The following GNA14 variants were observed in gnomAD, a reference collection of about 807,000 sequenced individuals.
GNA14 encodes the protein guanine nucleotide-binding protein subunit alpha-14.
GNA14 carries 50 observed loss-of-function variants against 42.0 expected under a neutral mutation model. That is an observed-to-expected ratio of 1.19 (90% CI 0.95 to 1.51). The LOEUF (loss-of-function observed/expected upper bound fraction) is 1.51. GNA14 is among the 40% of genes most tolerant of loss of function. GNA14 has a pLI of 0.00. For synonymous variants in GNA14, 173 were observed against 163.1 expected (o/e 1.06, Z -0.46); for missense variants, 473 against 446.2 (o/e 1.06, Z -0.54).
intron 1 of GNA14, among the ~76,000 whole-genome samples, chr9:77,563,210 C>A (rs958525409): frequency 2.0e-5 from 3 of 152,164 alleles, no homozygotes; most frequent in Non-Finnish European, 4.4e-5. Context: ...ATCAGCTCAA[C>A]AATGAAACCT....
chr9:77,424,064 G>A lies in GNA14; in HGVS notation c.983C>T (p.Thr328Ile), dbSNP rs761287064. Residue 328 changes from threonine to isoleucine, a missense_variant, in exon 7 of 7, where the codon ACA becomes ATA. Coordinates refer to ENST00000341700, the MANE Select transcript of GNA14 (RefSeq NM_004297.4). ...CACAAAGCGAATATTGTCTGTATCT[G>A]TAGCACATGTGAAGTGAGAGTAGAT... ...KVIYSHFTCA[T>I]DTDNIRFVFA... 2.5e-6 allele frequency: 4 copies of A among 1,611,922 alleles called. No individual in the cohort carries two copies. In the African/African-American group the frequency reaches 5.3e-5, roughly 22 times the overall value.
At chr9:77,645,339 C>A (rs942682653) in intron 1 of GNA14, among the ~76,000 whole-genome samples, 4 of 152,324 alleles carry the variant, frequency 2.6e-5, no homozygotes, top group Non-Finnish European at 2.9e-5. Context: ...TGCACATCCT[C>A]CCCTAATTCC....
chr9:77,438,406 T>G (rs1835673244), intron 2 of GNA14, among the ~76,000 whole-genome samples: 1 of 152,058 alleles, frequency 6.6e-6, no homozygotes, highest in Non-Finnish European at 1.5e-5. Context: ...TAGCTGGGAT[T>G]ACAGGCACCC....
chr9:77,623,501 GCTC>G (rs1823966221), intron 1 of GNA14, among the ~76,000 whole-genome samples: 1 of 152,176 alleles, frequency 6.6e-6, no homozygotes, highest in Non-Finnish European at 1.5e-5. Flanking sequence ...AATAGGAACA[GCTC>G]CTGTCTGCAG....
At chr9:77,561,235 C>T (rs1822878118) in intron 1 of GNA14, among the ~76,000 whole-genome samples, 1 of 152,220 alleles carries the variant, frequency 6.6e-6, no homozygotes, top group African/African-American at 2.4e-5. Flanking sequence ...TGGCGTGTGG[C>T]TAAGTTTATC....
intron 1 of GNA14, among the ~76,000 whole-genome samples, chr9:77,547,509 A>G (rs1564050725): frequency 6.6e-6 from 1 of 152,274 alleles, no homozygotes; most frequent in Non-Finnish European, 1.5e-5. Flanking sequence ...AGGAAGCAAA[A>G]GAGAACAATC....
chr9:77,603,866 C>A (rs1425514316), intron 1 of GNA14, among the ~76,000 whole-genome samples: 1 of 141,936 alleles, frequency 7.0e-6, no homozygotes, highest in Non-Finnish European at 1.5e-5. Flanking sequence ...ATGGTGTGAA[C>A]CTGGGAGGTG....
rs541080188 is a variant in GNA14, at chr9:77,476,268, T to C, written c.310-41746A>G. Among the ~76,000 whole-genome samples the C allele has an allele frequency of 3.9e-5, 6 of 152,238 alleles. No homozygotes were observed. In the South Asian group the frequency reaches 1.0e-3, roughly 26 times the overall value. ...ACAAAATCACACCAACAAGATTGCC[T>C]CTCTTGGTACGTTAAAATAGCACAG... On this transcript the variant is annotated intron_variant, in intron 2 of 6. Coordinates refer to ENST00000341700, the MANE Select transcript of GNA14 (RefSeq NM_004297.4).
At chr9:77,514,125 C>T (rs1837212570) in intron 2 of GNA14, among the ~76,000 whole-genome samples, 1 of 152,176 alleles carries the variant, frequency 6.6e-6, no homozygotes, top group South Asian at 2.1e-4. Context: ...GTTTAGGGCC[C>T]CATGCCAGGC....
At chr9:77,577,388 T>C (rs1022028840) in intron 1 of GNA14, among the ~76,000 whole-genome samples, 3 of 152,190 alleles carry the variant, frequency 2.0e-5, no homozygotes, top group Non-Finnish European at 2.9e-5. Flanking sequence ...AACAATAAAA[T>C]AGAGTTCAGC....
intron 1 of GNA14, among the ~76,000 whole-genome samples, chr9:77,616,291 A>AC (rs1258575470): frequency 6.6e-6 from 1 of 152,212 alleles, no homozygotes; most frequent in African/African-American, 2.4e-5. Context: ...GCGTGACCCT[A>AC]CCCATGGGTA....
chr9:77,468,949 C>A (rs768120326), intron 2 of GNA14, among the ~76,000 whole-genome samples: 1 of 152,200 alleles, frequency 6.6e-6, no homozygotes, highest in Non-Finnish European at 1.5e-5. Flanking sequence ...TTAAAACTCT[C>A]AACACATGCA....
At chr9:77,529,615 T>C (rs1158800702) in intron 1 of GNA14, among the ~76,000 whole-genome samples, 1 of 152,166 alleles carries the variant, frequency 6.6e-6, no homozygotes, top group African/African-American at 2.4e-5. Context: ...ATAGGAACAC[T>C]TGGAGGAGAG....
chr9:77,489,302 C>G (rs1836714958), intron 2 of GNA14, among the ~76,000 whole-genome samples: 1 of 152,022 alleles, frequency 6.6e-6, no homozygotes, highest in Non-Finnish European at 1.5e-5. Flanking sequence ...AAGACAGAAT[C>G]TAAGAATTAT....
chr9:77,495,111 G>A (rs1049503188), intron 2 of GNA14, among the ~76,000 whole-genome samples: 1 of 152,082 alleles, frequency 6.6e-6, no homozygotes, highest in Non-Finnish European at 1.5e-5. Context: ...AGAGTTTTAT[G>A]AATATTGGAA....
chr9:77,620,790 G>A (rs952731821), intron 1 of GNA14, among the ~76,000 whole-genome samples: 1 of 140,704 alleles, frequency 7.1e-6, no homozygotes, highest in Non-Finnish European at 1.5e-5. Flanking sequence ...GGAGGTTGCA[G>A]TGAGCCAAGA....
chr9:77,608,522 T>C (rs559148566), intron 1 of GNA14, among the ~76,000 whole-genome samples: 2 of 152,128 alleles, frequency 1.3e-5, no homozygotes, highest in East Asian at 3.9e-4. Context: ...GGCAGAGGCA[T>C]CCTGGCCAGC....
intron 1 of GNA14, among the ~76,000 whole-genome samples, chr9:77,554,732 C>T (rs564868407): frequency 2.6e-5 from 4 of 152,312 alleles, no homozygotes; most frequent in Non-Finnish European, 1.5e-5. Context: ...AAAACATCTC[C>T]TGTCTGCTCC....
At chr9:77,551,847 T>C (rs1837791039) in intron 1 of GNA14, among the ~76,000 whole-genome samples, 1 of 151,940 alleles carries the variant, frequency 6.6e-6, no homozygotes, top group African/African-American at 2.4e-5. Flanking sequence ...AGCCTTAATA[T>C]AAAGAAATTT....
Sources: gnomAD v4.1 joint callset for allele counts (sites outside exome capture counted in the v4.1 genomes callset) on GRCh38, gnomAD v4.1.1 for gene constraint, MANE v1.5 for transcripts, NCBI Gene and HGNC (gene_info 2026-07-23, HGNC 2026-07-21) for gene names.